Variants in UBE3C observed in about 807,000 individuals in gnomAD.
The protein encoded by UBE3C is ubiquitin protein ligase E3C.
A neutral mutation model predicts 129.4 loss-of-function variants in UBE3C; 42 were observed. The observed-to-expected ratio is 0.32, with a 90% confidence interval of 0.25 to 0.42. UBE3C has a LOEUF of 0.42. UBE3C is among the 10% of genes least tolerant of loss of function. The probability of loss-of-function intolerance (pLI) is 1.00; values close to 1 mark genes in which losing one functional copy is unlikely to be tolerated. For synonymous variants in UBE3C, 510 were observed against 492.4 expected (o/e 1.04, Z -0.47); for missense variants, 1,049 against 1,319.1 (o/e 0.80, Z 3.17).
intron 18 of UBE3C, among the ~76,000 whole-genome samples, chr7:157,236,047 G>A (rs573173885): frequency 3.3e-5 from 5 of 152,340 alleles, no homozygotes; most frequent in East Asian, 3.8e-4. Flanking sequence ...GTGATAAAGT[G>A]CAAAGAGGTC....
At chr7:157,222,238 T>TA in intron 15 of UBE3C, 1 of 152,218 alleles carries the variant, frequency 6.6e-6, no homozygotes, top group East Asian at 1.9e-4. Context: ...GTTTATCAGA[T>TA]ATGTGATTTG....
intron 1 of UBE3C, among the ~76,000 whole-genome samples, chr7:157,163,587 T>G (rs1210100239): frequency 1.3e-5 from 2 of 152,190 alleles, no homozygotes; most frequent in African/African-American, 4.8e-5. Flanking sequence ...TCAGATTTTA[T>G]GCTTAAAAAA....
At chr7:157,170,595 T>G in intron 4 of UBE3C, 145 bp downstream of exon 4, 2 of 840,638 alleles carry the variant, frequency 2.4e-6, no homozygotes, top group Non-Finnish European at 3.3e-6. Flanking sequence ...TGTGAGAGGT[T>G]ACCTATGTGG....
chr7:157,245,944 T>C (rs1248954258), intron 18 of UBE3C, among the ~76,000 whole-genome samples: 1 of 135,674 alleles, frequency 7.4e-6, no homozygotes, highest in Admixed American at 8.6e-5. Flanking sequence ...TGAGCCGAGA[T>C]CGTGCCACTG....
chr7:157,182,300 C>T lies in UBE3C; in HGVS notation c.963C>T (p.Phe321=), dbSNP rs372396348. 8.7e-6 allele frequency: 14 copies of T among 1,613,568 alleles called. No homozygotes were observed. Among genetic ancestry groups the T allele is most frequent in the African/African-American group, 5.3e-5 (4 of 74,842 alleles). The part of the protein sequence containing the change: ...KSGGAPWLFY[F]VLTVGENYLG... ...GTGGAGCACCCTGGCTTTTCTATTT[C>T]GTTTTAACTGTTGGCGAAAATTATT... Residue 321 remains phenylalanine (F), a synonymous_variant, in exon 8 of 23, where the codon TTC becomes TTT. Transcript: ENST00000348165.
chr7:157,228,049 G>A (rs1795926077), intron 17 of UBE3C, among the ~76,000 whole-genome samples: 1 of 152,206 alleles, frequency 6.6e-6, no homozygotes, highest in Non-Finnish European at 1.5e-5. Context: ...ATGGTTTGAG[G>A]TGCATTTTTG....
intron 10 of UBE3C, among the ~76,000 whole-genome samples, chr7:157,192,012 C>T (rs1032591694): frequency 3.9e-5 from 6 of 152,088 alleles, no homozygotes; most frequent in Admixed American, 1.3e-4. Context: ...CATTGATGAG[C>T]TTTTAAACAT....
chr7:157,221,034 G>A (rs1327622006), intron 15 of UBE3C: 1 of 375,718 alleles, frequency 2.7e-6, no homozygotes, highest in Non-Finnish European at 5.0e-6. Context: ...ACCATGCTGT[G>A]TAGTCTGCTC....
At chr7:157,163,219 A>C (rs1808120266) in intron 1 of UBE3C, among the ~76,000 whole-genome samples, 1 of 151,882 alleles carries the variant, frequency 6.6e-6, no homozygotes, top group Admixed American at 6.6e-5. Flanking sequence ...CCCCGTCTCT[A>C]CTAAAAAAAT....
At chr7:157,184,099 CCA>C in intron 9 of UBE3C, 70 bp downstream of exon 9, 1 of 1,570,160 alleles carries the variant, frequency 6.4e-7, no homozygotes, top group Non-Finnish European at 8.7e-7. Context: ...AGCTTTCTGT[CCA>C]CCCGTAGTTT....
At chr7:157,233,359 C>T (rs767235407) in intron 18 of UBE3C, among the ~76,000 whole-genome samples, 15 of 152,110 alleles carry the variant, frequency 9.9e-5, no homozygotes, top group Non-Finnish European at 1.8e-4. Flanking sequence ...GCTACAAACA[C>T]GGCTCAGTCC....
At chr7:157,234,197 T>G (rs1008059704) in intron 18 of UBE3C, among the ~76,000 whole-genome samples, 2 of 152,232 alleles carry the variant, frequency 1.3e-5, no homozygotes, top group Admixed American at 1.3e-4. Context: ...TTTTGAAGTC[T>G]AACGTGTTTT....
Position 157,230,338 on chromosome 7 carries a change from A to G in UBE3C, c.2234-742A>G, listed in dbSNP as rs945356973. 1.1e-4 allele frequency among the ~76,000 whole-genome samples: 17 copies of G among 151,958 alleles called. 1 individual carries two copies. The highest frequency in any genetic ancestry group is 3.6e-4 in the African/African-American group (15 of 41,356). ...TGGCTTCCCTGAACCACATTGGAAG[A>G]GGAATAATTGTCTTGGGCCACAGAC... On this transcript the variant is annotated intron_variant, in intron 17 of 22. Transcript: ENST00000348165.
intron 10 of UBE3C, among the ~76,000 whole-genome samples, chr7:157,193,218 T>TA: frequency 6.6e-6 from 1 of 152,368 alleles, no homozygotes; most frequent in South Asian, 2.1e-4. Context: ...TGCAAATTAT[T>TA]ATATATCTGT....
At chr7:157,151,422 T>C (rs1438915247) in intron 1 of UBE3C, among the ~76,000 whole-genome samples, 1 of 152,220 alleles carries the variant, frequency 6.6e-6, no homozygotes, top group East Asian at 1.9e-4. Flanking sequence ...TATAGCTCTT[T>C]GGAAATGTAA....
chr7:157,198,472 T>C (rs1809185591), intron 10 of UBE3C: 2 of 458,224 alleles, frequency 4.4e-6, no homozygotes, highest in Middle Eastern at 1.3e-3. Flanking sequence ...GAAGATCTCC[T>C]CTCCTGCTCA....
At position 157,220,581 on chromosome 7, in the gene UBE3C, C is replaced by T. The variant is rs1266882993; in HGVS notation, c.1915-108C>T. On this transcript the variant is annotated intron_variant, in intron 14 of 22. Transcript: ENST00000348165. ...TGAAGGTATGAGGTCAGAGAGAGGG[C>T]CCAGCCCACGGTAGAGAAATGTCCA... is the stretch of plus-strand genomic sequence containing the variant. The T allele has an allele frequency of 2.0e-5, 26 of 1,287,696 alleles. No individual in the cohort carries two copies. In the East Asian group the frequency reaches 6.2e-4, roughly 31 times the overall value. 79.8% of individuals were successfully genotyped at this position (1,287,696 alleles called of 1,614,324 possible). A position where few individuals can be genotyped will look rare whatever the true frequency, so the allele number is the denominator to read the frequency against.
Position 157,209,230 on chromosome 7 carries a change from C to T in UBE3C, c.1809+1295C>T, listed in dbSNP as rs140962249. 2.7e-3 allele frequency among the ~76,000 whole-genome samples: 414 copies of T among 152,288 alleles called. 4 individuals are homozygous for T. The highest frequency in any genetic ancestry group is 9.6e-3 in the African/African-American group (400 of 41,544). On this transcript the variant is annotated intron_variant, in intron 13 of 22. Transcript: ENST00000348165. ...AGTCCACGAGAGTCTCTCTCCAGCC[C>T]GTTCTGCCTGGTTTTACAACACATT...
chr7:157,181,651 C>G lies in UBE3C; in HGVS notation c.750C>G (p.Asn250Lys), dbSNP rs1222232421. 3.1e-6 allele frequency: 5 copies of G among 1,613,678 alleles called. No individual in the cohort carries two copies. Among genetic ancestry groups the G allele is most frequent in the Non-Finnish European group, 4.2e-6 (5 of 1,179,892 alleles). ...TAAAACCATTGCACTTTACTTACAA[C>G]TCCTGTCCGGAAGGTGCGAGGTGAG... ...NVLKPLHFTY[N>K]SCPEGARQQV... is the part of the protein sequence containing the mutation. Residue 250 changes from asparagine to lysine, a missense_variant, in exon 7 of 23, where the codon AAC becomes AAG. Transcript: ENST00000348165.
Sources: gnomAD v4.1 joint callset for allele counts (sites outside exome capture counted in the v4.1 genomes callset) on GRCh38, gnomAD v4.1.1 for gene constraint, MANE v1.5 for transcripts, NCBI Gene and HGNC (gene_info 2026-07-23, HGNC 2026-07-21) for gene names.